BNC2: variants seen among roughly 807,000 people sequenced by gnomAD.
The protein encoded by BNC2 is zinc finger protein basonuclin-2.
In BNC2, 20 loss-of-function variants were observed where a neutral mutation model predicts 76.3. The ratio of observed to expected loss-of-function variants is 0.26; its 90% CI spans 0.18 to 0.38. The LOEUF is 0.38. Among genes scored for constraint, BNC2 ranks in the 10% least tolerant of loss-of-function variants. BNC2 has a pLI of 1.00. For synonymous variants in BNC2, 582 were observed against 514.8 expected, an observed-to-expected ratio of 1.13 and a Z score of -1.77; for missense variants, 1,382 against 1,399.8, an observed-to-expected ratio of 0.99 and a Z score of 0.20.
At chr9:16,838,811 C>T (rs937417774) in intron 1 of BNC2, among the ~76,000 whole-genome samples, 2 of 152,084 alleles carry the variant, frequency 1.3e-5, no homozygotes, top group Admixed American at 6.6e-5. Context: ...TTATTGTATG[C>T]GTGGCTTATG....
At chr9:16,797,751 T>C (rs188093456) in intron 1 of BNC2, among the ~76,000 whole-genome samples, 1 of 152,116 alleles carries the variant, frequency 6.6e-6, no homozygotes, top group African/African-American at 2.4e-5. Context: ...CAGACCTAAG[T>C]AGTCACATAT....
At chr9:16,433,962 C>CT (rs1820953055) in intron 6 of BNC2, among the ~76,000 whole-genome samples, 1 of 152,036 alleles carries the variant, frequency 6.6e-6, no homozygotes, top group Non-Finnish European at 1.5e-5. Flanking sequence ...TTACTGACAA[C>CT]TTGGAGGAGG....
chr9:16,734,458 TAA>T (rs1201214309), intron 2 of BNC2, among the ~76,000 whole-genome samples: 1 of 151,896 alleles, frequency 6.6e-6, no homozygotes, highest in Admixed American at 6.5e-5. Context: ...CCTCTCATTA[TAA>T]GAGTCCATTA....
intron 1 of BNC2, among the ~76,000 whole-genome samples, chr9:16,836,991 A>G (rs1818722305): frequency 6.6e-6 from 1 of 151,538 alleles, no homozygotes; most frequent in South Asian, 2.1e-4. Flanking sequence ...GGCTCTGCCA[A>G]AAAAAAAATT....
chr9:16,448,860 G>A (rs932241868), intron 5 of BNC2, among the ~76,000 whole-genome samples: 1 of 152,170 alleles, frequency 6.6e-6, no homozygotes, highest in Admixed American at 6.5e-5. Context: ...TGATTGCTCA[G>A]ATTAAATGTG....
chr9:16,616,790 G>GGGTAGGAAGGAAGGAAGGAA (rs1820712652), intron 3 of BNC2, among the ~76,000 whole-genome samples: 1 of 10,338 alleles, frequency 9.7e-5, no homozygotes, highest in African/African-American at 1.5e-4. Context: ...GGAGGAAGGA[G>GGGTAGGAAGGAAGGAAGGAA]GGAAGGAAGG....
intron 5 of BNC2, among the ~76,000 whole-genome samples, chr9:16,479,535 T>C (rs901575676): frequency 4.6e-5 from 7 of 152,328 alleles, no homozygotes; most frequent in African/African-American, 1.7e-4. Context: ...GTCGAATGAA[T>C]TGTACAGTGA....
At chr9:16,513,299 CTTTTTTTTTTTT>C (rs1202222924) in intron 5 of BNC2, among the ~76,000 whole-genome samples, 1 of 85,560 alleles carries the variant, frequency 1.2e-5, no homozygotes, top group Non-Finnish European at 2.2e-5. Context: ...AGAAAAGGTT[CTTTTTTTTTTTT>C]TTTTTTTTTT....
Position 16,499,895 on chromosome 9 carries a change from C to CA in BNC2, c.669+52634dup, listed in dbSNP as rs201291080. 5.3e-3 allele frequency among the ~76,000 whole-genome samples: 800 copies of CA among 152,144 alleles called. 6 individuals carry two copies. Among genetic ancestry groups the CA allele is most frequent in the Middle Eastern group, 0.021 (6 of 292 alleles). ...TGGCTAAGAAAATATGATCAATCTT[C>CA]ATTCTAACTACTCAATTTACTACTA... On this transcript the variant is annotated intron_variant, in intron 5 of 6. Transcript: ENST00000380672.
chr9:16,764,430 C>G (rs1193339041), intron 1 of BNC2, among the ~76,000 whole-genome samples: 1 of 152,152 alleles, frequency 6.6e-6, no homozygotes. Context: ...AACACAAACT[C>G]ATTCATCTGG....
At chr9:16,425,865 G>A (rs1820795259) in intron 6 of BNC2, among the ~76,000 whole-genome samples, 1 of 152,234 alleles carries the variant, frequency 6.6e-6, no homozygotes, top group Non-Finnish European at 1.5e-5. Flanking sequence ...ATTGGTAGAT[G>A]GAAAATGTGT....
chr9:16,811,332 T>C (rs901372132), intron 1 of BNC2, among the ~76,000 whole-genome samples: 3 of 148,866 alleles, frequency 2.0e-5, no homozygotes, highest in Non-Finnish European at 4.4e-5. Flanking sequence ...GGGTGGATCA[T>C]GTGAGGTCAG....
At chr9:16,775,076 T>A (rs192622254) in intron 1 of BNC2, among the ~76,000 whole-genome samples, 6 of 152,200 alleles carry the variant, frequency 3.9e-5, no homozygotes, top group African/African-American at 1.4e-4. Context: ...GTCTCACAAG[T>A]AGCAGCAACA....
intron 3 of BNC2, among the ~76,000 whole-genome samples, chr9:16,684,468 G>A (rs1822917281): frequency 6.6e-6 from 1 of 152,014 alleles, no homozygotes; most frequent in African/African-American, 2.4e-5. Context: ...GCTAGAGATG[G>A]CATACCCTTC....
chr9:16,490,543 C>T (rs538679739), intron 5 of BNC2, among the ~76,000 whole-genome samples: 100 of 152,140 alleles, frequency 6.6e-4, no homozygotes, highest in Non-Finnish European at 1.2e-3. Context: ...TTAGAGTTTT[C>T]TCACTTCATA....
chr9:16,680,533 G>A (rs1408956320), intron 3 of BNC2, among the ~76,000 whole-genome samples: 1 of 149,866 alleles, frequency 6.7e-6, no homozygotes, highest in African/African-American at 2.5e-5. Flanking sequence ...ATAAACTAGA[G>A]AACATGTGGC....
intron 5 of BNC2, among the ~76,000 whole-genome samples, chr9:16,470,975 T>C (rs1405507547): frequency 6.6e-6 from 1 of 152,024 alleles, no homozygotes; most frequent in African/African-American, 2.4e-5. Context: ...ACTTGTACTA[T>C]GCACCTGGAA....
chr9:16,804,377 T>G (rs540789071), intron 1 of BNC2, among the ~76,000 whole-genome samples: 1 of 152,340 alleles, frequency 6.6e-6, no homozygotes, highest in East Asian at 1.9e-4. Flanking sequence ...GTTAACTGAC[T>G]TCCTCGTGGT....
intron 3 of BNC2, among the ~76,000 whole-genome samples, chr9:16,697,489 A>C (rs113136970): frequency 1.3e-5 from 2 of 152,322 alleles, no homozygotes; most frequent in African/African-American, 4.8e-5. Context: ...TGGGAGGCTG[A>C]GGCAGGTGGA....
Sources: allele counts gnomAD v4.1 joint callset (sites outside exome capture counted in the v4.1 genomes callset), GRCh38; gene constraint gnomAD v4.1.1; transcripts MANE v1.5; gene names NCBI Gene and HGNC (gene_info 2026-07-23, HGNC 2026-07-21).